The following LINGO2 variants were observed in gnomAD, a reference collection of about 807,000 sequenced individuals.
The protein encoded by LINGO2 is leucine-rich repeat and immunoglobulin-like domain-containing nogo receptor-interacting protein 2.
In LINGO2, 14 loss-of-function variants were observed where a neutral mutation model predicts 30.6. The observed-to-expected ratio is 0.46, with a 90% CI of 0.30 to 0.72. LINGO2 has a LOEUF of 0.72. LINGO2 is among the 30% of genes least tolerant of loss of function. The probability of loss-of-function intolerance (pLI) is 0.07; values close to 1 mark genes in which losing one functional copy is unlikely to be tolerated. For synonymous variants in LINGO2, 317 were observed against 288.5 expected (o/e 1.10, Z -1.00); for missense variants, 729 against 751.7 (o/e 0.97, Z 0.35).
chr9:29,117,628 A>G, the LINGO2 span, among the ~76,000 whole-genome samples: 1 of 152,182 alleles, frequency 6.6e-6, no homozygotes, highest in Non-Finnish European at 1.5e-5. Flanking sequence ...CCACCAGCCA[A>G]GAGCAATTTT....
At chr9:29,102,455 TG>T in the LINGO2 span, among the ~76,000 whole-genome samples, 1 of 152,196 alleles carries the variant, frequency 6.6e-6, no homozygotes, top group African/African-American at 2.4e-5. Flanking sequence ...TAATGGGAGC[TG>T]GCGTATAAAA....
the LINGO2 span, among the ~76,000 whole-genome samples, chr9:28,898,174 C>T: frequency 0.89 from 135,494 of 151,834 alleles, 60,766 homozygotes; most frequent in Non-Finnish European, 0.94. Context: ...TCTTTAATAA[C>T]TGGGAAGCTA....
At chr9:29,125,778 T>C in the LINGO2 span, among the ~76,000 whole-genome samples, 1 of 152,152 alleles carries the variant, frequency 6.6e-6, no homozygotes, top group Non-Finnish European at 1.5e-5. Flanking sequence ...TTAGGACATG[T>C]AATGCGTACA....
chr9:28,579,648 A>G (rs1160162036), intron 1 of LINGO2, among the ~76,000 whole-genome samples: 2 of 152,142 alleles, frequency 1.3e-5, no homozygotes, highest in East Asian at 1.9e-4. Context: ...TGACAAAAAC[A>G]TAAGGGCTGC....
At position 28,550,625 on chromosome 9, in the gene LINGO2, G is replaced by A. The variant is rs150279888; in HGVS notation, c.-364-74600C>T. Among the ~76,000 whole-genome samples the A allele has an allele frequency of 5.9e-3, 893 of 151,396 alleles. 3 individuals carry two copies. Among genetic ancestry groups the A allele is most frequent in the Admixed American group, 0.012 (188 of 15,190 alleles). The stretch of plus-strand genomic sequence containing the variant: ...CTCTATGGTAATTTGTTTCTTCTTG[G>A]GCTTTGAATTGCTGCTGCAATTGAA... On this transcript the variant is annotated intron_variant, in intron 1 of 5. Transcript: ENST00000379992.
intron 3 of LINGO2, among the ~76,000 whole-genome samples, chr9:28,305,637 T>A (rs950617995): frequency 3.3e-5 from 5 of 151,978 alleles, no homozygotes; most frequent in African/African-American, 9.7e-5. Context: ...ATGAAATACA[T>A]GGGGATGACT....
intron 1 of LINGO2, among the ~76,000 whole-genome samples, chr9:28,493,105 G>C (rs1826464506): frequency 6.6e-6 from 1 of 152,104 alleles, no homozygotes; most frequent in Non-Finnish European, 1.5e-5. Context: ...CTCATCCACA[G>C]TCCTTAGTTT....
chr9:28,592,004 AAAG>A (rs1824937104), intron 1 of LINGO2, among the ~76,000 whole-genome samples: 1 of 152,032 alleles, frequency 6.6e-6, no homozygotes, highest in Non-Finnish European at 1.5e-5. Context: ...GTGCCATACT[AAAG>A]AAGAAGGTCT....
At chr9:28,315,715 A>C (rs771450356) in intron 3 of LINGO2, among the ~76,000 whole-genome samples, 7 of 152,194 alleles carry the variant, frequency 4.6e-5, no homozygotes, top group Non-Finnish European at 1.0e-4. Context: ...CCCAGCATAC[A>C]TGAGAACATC....
At chr9:28,166,884 T>C (rs991948675) in intron 4 of LINGO2, among the ~76,000 whole-genome samples, 3 of 152,222 alleles carry the variant, frequency 2.0e-5, no homozygotes, top group Non-Finnish European at 4.4e-5. Flanking sequence ...TGCTATTTCA[T>C]GTACCTACTA....
chr9:28,780,965 T>G, the LINGO2 span, among the ~76,000 whole-genome samples: 1 of 151,750 alleles, frequency 6.6e-6, no homozygotes, highest in Non-Finnish European at 1.5e-5. Flanking sequence ...GAAATTACAG[T>G]AACAAAAATA....
chr9:28,809,625 A>G, the LINGO2 span, among the ~76,000 whole-genome samples: 1 of 151,970 alleles, frequency 6.6e-6, no homozygotes, highest in East Asian at 1.9e-4. Context: ...AGGCACCTGT[A>G]ATTCCAGCTA....
chr9:28,319,510 T>TGG (rs34614640), intron 3 of LINGO2, among the ~76,000 whole-genome samples: 1 of 152,014 alleles, frequency 6.6e-6, no homozygotes, highest in African/African-American at 2.4e-5. Flanking sequence ...GTGAACATCT[T>TGG]GGGGGGCTGT....
chr9:28,819,884 T>C, the LINGO2 span, among the ~76,000 whole-genome samples: 2 of 152,138 alleles, frequency 1.3e-5, no homozygotes, highest in African/African-American at 4.8e-5. Flanking sequence ...AACTCTCCTT[T>C]TATCAGTGAA....
chr9:28,400,314 G>A (rs1822210385), intron 2 of LINGO2, among the ~76,000 whole-genome samples: 1 of 152,176 alleles, frequency 6.6e-6, no homozygotes, highest in Non-Finnish European at 1.5e-5. Context: ...AGTTCCATTA[G>A]TGTGCAGGAA....
At chr9:28,963,752 T>A in the LINGO2 span, among the ~76,000 whole-genome samples, 1 of 151,902 alleles carries the variant, frequency 6.6e-6, no homozygotes, top group African/African-American at 2.4e-5. Flanking sequence ...TTAAGTAAAA[T>A]GATAGTTATC....
At chr9:28,825,568 GT>G in the LINGO2 span, among the ~76,000 whole-genome samples, 59,064 of 149,824 alleles carry the variant, frequency 0.39, 12,021 homozygotes, top group East Asian at 0.51. Flanking sequence ...TTTGTATCTG[GT>G]TTTTTTTTTT....
At chr9:29,151,402 A>C in the LINGO2 span, among the ~76,000 whole-genome samples, 2 of 152,226 alleles carry the variant, frequency 1.3e-5, no homozygotes, top group Non-Finnish European at 2.9e-5. Flanking sequence ...CTATTATATC[A>C]ATACTAAAAC....
intron 4 of LINGO2, among the ~76,000 whole-genome samples, chr9:28,030,713 T>C (rs528202490): frequency 5.3e-5 from 8 of 152,318 alleles, no homozygotes; most frequent in African/African-American, 1.9e-4. Context: ...TTAATCTTAT[T>C]TGAAATAAAA....
Sources: allele counts gnomAD v4.1 joint callset (sites outside exome capture counted in the v4.1 genomes callset), GRCh38; gene constraint gnomAD v4.1.1; transcripts MANE v1.5; gene names NCBI Gene and HGNC (gene_info 2026-07-23, HGNC 2026-07-21).